Variants in PHF6 observed in about 807,000 individuals in gnomAD.
The protein encoded by PHF6 is PHD finger protein 6.
In PHF6, 7 loss-of-function variants were observed where a neutral mutation model predicts 34.0. The ratio of observed to expected loss-of-function variants is 0.21; its 90% CI spans 0.12 to 0.39. The LOEUF is 0.39. Among genes scored for constraint, PHF6 ranks in the 10% least tolerant of loss-of-function variants. The pLI is 1.00. For synonymous variants in PHF6, 89 were observed against 88.4 expected (o/e 1.01, Z -0.04); for missense variants, 128 against 262.8 (o/e 0.49, Z 3.55).
chrX:134,375,768 G>T (rs1351472985), intron 1 of PHF6, among the ~76,000 whole-genome samples: 2 of 112,150 alleles, frequency 1.8e-5, no homozygotes, highest in African/African-American at 6.5e-5. Flanking sequence ...TTGGTATTTT[G>T]CATAGTTAAT....
chrX:134,397,278 C>A (rs1165027609), intron 5 of PHF6, among the ~76,000 whole-genome samples: 4 of 111,884 alleles, frequency 3.6e-5, no homozygotes, highest in Non-Finnish European at 7.5e-5. Context: ...AATGCCCGTC[C>A]CAGGAACTGT....
rs1250240018 is a variant in PHF6 at position 134,391,288 on chromosome X, A to G, written c.241-2213A>G. ...TGTACCCGGACCTAAATATTTTTCAATTGTTGATAGGTGGTTTTACATTTT... is the reference window on the plus strand; with the variant it reads ...TGTACCCGGACCTAAATATTTTTCAGTTGTTGATAGGTGGTTTTACATTTT... On this transcript the variant is annotated intron_variant, in intron 3 of 10. Transcript: ENST00000370803. 3.6e-5 allele frequency among the ~76,000 whole-genome samples: 4 copies of G among 111,704 alleles called. No individual in the cohort carries two copies. In the East Asian group the frequency reaches 8.4e-4, roughly 23 times the overall value.
intron 5 of PHF6, among the ~76,000 whole-genome samples, chrX:134,401,193 T>C (rs1206142312): frequency 9.0e-6 from 1 of 111,516 alleles, no homozygotes; most frequent in African/African-American, 3.3e-5. Context: ...TAAAGCCCTG[T>C]CTGTCCCTTT....
chrX:134,385,397 T>C (rs2077327522), intron 3 of PHF6, among the ~76,000 whole-genome samples: 1 of 112,248 alleles, frequency 8.9e-6, no homozygotes. Context: ...ACTGTATTGT[T>C]GACTCTGGGA....
At position 134,399,670 on chromosome X, in the gene PHF6, GACACACACACACACAGACACACAC is replaced by G. The variant is rs760391419; in HGVS notation, c.418+5735_418+5758del. On this transcript the variant is annotated intron_variant, in intron 5 of 10. Transcript: ENST00000370803. Reference sequence around the variant, plus strand: ...CCTAACATACACACACACACACACAGACACACACACACACAGACACACACACACACACACACACAGCCTATCCAC... The same window carrying G: ...CCTAACATACACACACACACACACAGACACACACACACACAGCCTATCCAC... Among the ~76,000 whole-genome samples the G allele has an allele frequency of 1.8e-3, 163 of 92,888 alleles. 1 individual carries two copies. Among genetic ancestry groups the G allele is most frequent in the Non-Finnish European group, 2.0e-3 (90 of 45,945 alleles). The allele number at this position is 92,888 out of a possible 115,157, so 80.7% of individuals were successfully genotyped here.
chrX:134,407,495 G>C (rs775599855), intron 5 of PHF6, among the ~76,000 whole-genome samples: 13 of 112,276 alleles, frequency 1.2e-4, no homozygotes, highest in Non-Finnish European at 1.7e-4. Context: ...TATATGGAAG[G>C]AGGTAAATTC....
chrX:134,395,325 A>G (rs752233907), intron 5 of PHF6, among the ~76,000 whole-genome samples: 2 of 112,433 alleles, frequency 1.8e-5, no homozygotes, highest in Non-Finnish European at 3.7e-5. Context: ...AACCAAATTT[A>G]AAATACAAAC....
At chrX:134,414,014 T>G (rs1409243187) in intron 7 of PHF6, 48 bp downstream of exon 7, 1 of 1,165,659 alleles carries the variant, frequency 8.6e-7, no homozygotes, top group South Asian at 1.8e-5. Context: ...GTTGTTTGTT[T>G]TTCTTTGTTT....
intron 3 of PHF6, 53 bp downstream of exon 3, chrX:134,378,159 G>T: frequency 1.2e-6 from 1 of 820,360 alleles, no homozygotes; most frequent in Non-Finnish European, 1.8e-6. Context: ...ACTCATTAAA[G>T]AGGAAATTGC....
Position 134,410,801 on chromosome X carries a change from C to T in PHF6, c.419-2690C>T, listed in dbSNP as rs753195950. ...TAGCTGGGTTAACAGGCACGCGACA[C>T]CATACCCAGCTAATTTTTTTTGAAG... On this transcript the variant is annotated intron_variant, in intron 5 of 10. Coordinates refer to ENST00000370803, the MANE Select transcript of PHF6 (RefSeq NM_001015877.2). Among the ~76,000 whole-genome samples the T allele has an allele frequency of 6.5e-5, 7 of 108,063 alleles. No homozygotes were observed. In the South Asian group the frequency reaches 2.9e-3, roughly 44 times the overall value. The allele number at this position is 108,063 out of a possible 115,157, so 93.8% of individuals were successfully genotyped here. A position where few individuals can be genotyped will look rare whatever the true frequency, so the allele number is the denominator to read the frequency against.
chrX:134,399,809 T>A (rs1356542829), intron 5 of PHF6, among the ~76,000 whole-genome samples: 1 of 110,909 alleles, frequency 9.0e-6, no homozygotes, highest in Non-Finnish European at 1.9e-5. Context: ...ATAGTTTAAA[T>A]TAGTGCACTC....
intron 5 of PHF6, 95 bp downstream of exon 5, chrX:134,394,047 G>GAC (rs752157994): frequency 2.3e-4 from 182 of 794,767 alleles, no homozygotes; most frequent in Non-Finnish European, 3.3e-4. Context: ...TTAACCATAA[G>GAC]ACATATCTCA....
rs745752591 is a variant in PHF6, at chrX:134,396,069, A to G, written c.418+2117A>G. ...CCCTATATGGTTTTTTTCTTAATCT[A>G]TTTTTAATTTTTGTGAGTACAGAGT... On this transcript the variant is annotated intron_variant, in intron 5 of 10. Coordinates refer to ENST00000370803, the MANE Select transcript of PHF6 (RefSeq NM_001015877.2). 2.7e-5 allele frequency among the ~76,000 whole-genome samples: 3 copies of G among 111,289 alleles called. No homozygotes were observed. In the South Asian group the frequency reaches 1.1e-3, roughly 42 times the overall value.
chrX:134,388,888 C>T (rs2077342161), intron 3 of PHF6, among the ~76,000 whole-genome samples: 1 of 111,724 alleles, frequency 9.0e-6, no homozygotes, highest in Non-Finnish European at 1.9e-5. Flanking sequence ...CCATTTAGTT[C>T]CTTGTGTCTC....
chrX:134,416,883 A>G (rs1292277089), intron 8 of PHF6, among the ~76,000 whole-genome samples: 1 of 111,916 alleles, frequency 8.9e-6, no homozygotes, highest in Admixed American at 9.5e-5. Context: ...GATATACAAC[A>G]TCATTCTTTT....
chrX:134,384,583 T>G, intron 3 of PHF6, among the ~76,000 whole-genome samples: 1 of 109,169 alleles, frequency 9.2e-6, no homozygotes, highest in Non-Finnish European at 1.9e-5. Flanking sequence ...CAACTCTTCC[T>G]TCTTCCATAT....
intron 3 of PHF6, among the ~76,000 whole-genome samples, chrX:134,381,622 G>A (rs2077307976): frequency 9.1e-6 from 1 of 109,446 alleles, no homozygotes; most frequent in Non-Finnish European, 1.9e-5. Context: ...AGCCTCCCAA[G>A]TAGGTCAGAT....
At chrX:134,414,803 C>T (rs1490741504) in intron 7 of PHF6, among the ~76,000 whole-genome samples, 3 of 111,839 alleles carry the variant, frequency 2.7e-5, no homozygotes, top group Non-Finnish European at 5.6e-5. Flanking sequence ...ATCTTGGCTC[C>T]ACACTGGCAG....
chrX:134,410,923 T>C (rs1467330033), intron 5 of PHF6, among the ~76,000 whole-genome samples: 1 of 107,975 alleles, frequency 9.3e-6, no homozygotes, highest in East Asian at 2.9e-4. Flanking sequence ...CCCGGCCTTT[T>C]TCCAGTTTAT....
Sources: gnomAD v4.1 joint callset for allele counts (sites outside exome capture counted in the v4.1 genomes callset) on GRCh38, gnomAD v4.1.1 for gene constraint, MANE v1.5 for transcripts, NCBI Gene and HGNC (gene_info 2026-07-23, HGNC 2026-07-21) for gene names.